The following GPC5 variants were observed in gnomAD, a reference collection of about 807,000 sequenced individuals.
The protein encoded by GPC5 is glypican-5.
In GPC5, 47 loss-of-function variants were observed where a neutral mutation model predicts 53.9. That is an observed-to-expected ratio of 0.87 (90% CI 0.69 to 1.11). The LOEUF (loss-of-function observed/expected upper bound fraction) is 1.11, where lower values mean the gene tolerates loss of function less well. Among genes scored for constraint, GPC5 ranks in the 50% most tolerant of loss-of-function variants. GPC5 has a pLI of 0.00. For synonymous variants in GPC5, 286 were observed against 263.3 expected, an observed-to-expected ratio of 1.09 and a Z score of -0.84; for missense variants, 748 against 713.1, an observed-to-expected ratio of 1.05 and a Z score of -0.56.
At chr13:92,375,614 T>G (rs1464689724) in intron 7 of GPC5, among the ~76,000 whole-genome samples, 1 of 152,126 alleles carries the variant, frequency 6.6e-6, no homozygotes, top group Non-Finnish European at 1.5e-5. Flanking sequence ...ATTAAGAGAT[T>G]TGCTGAAAGG....
intron 7 of GPC5, among the ~76,000 whole-genome samples, chr13:92,157,476 C>T (rs751424722): frequency 1.3e-5 from 2 of 152,122 alleles, no homozygotes; most frequent in Admixed American, 6.5e-5. Context: ...GGGGTTCTGT[C>T]TTGATGACTA....
chr13:91,738,854 C>T (rs1452352305), intron 4 of GPC5, among the ~76,000 whole-genome samples: 2 of 151,268 alleles, frequency 1.3e-5, no homozygotes, highest in African/African-American at 4.9e-5. Context: ...CCAATATTTT[C>T]ACAATCCCCA....
chr13:92,060,213 T>C (rs2041111555), intron 6 of GPC5, among the ~76,000 whole-genome samples: 1 of 151,924 alleles, frequency 6.6e-6, no homozygotes, highest in African/African-American at 2.4e-5. Context: ...AATGAGAAAA[T>C]GGGTGGAAAT....
intron 7 of GPC5, among the ~76,000 whole-genome samples, chr13:92,422,311 A>G (rs1876602100): frequency 6.6e-6 from 1 of 152,140 alleles, no homozygotes; most frequent in Admixed American, 6.6e-5. Context: ...AAATAAGTAC[A>G]ATACACTTTA....
chr13:91,780,391 T>A (rs1015988098), intron 5 of GPC5, among the ~76,000 whole-genome samples: 8 of 152,226 alleles, frequency 5.3e-5, no homozygotes, highest in African/African-American at 1.9e-4. Flanking sequence ...CCCAGATTCC[T>A]CATGTATTCA....
Position 92,251,275 on chromosome 13 carries a change from G to A in GPC5, c.1561+106286G>A, listed in dbSNP as rs150755373. 1.2e-3 allele frequency among the ~76,000 whole-genome samples: 183 copies of A among 152,234 alleles called. 1 individual carries two copies. The highest frequency in any genetic ancestry group is 3.7e-3 in the Admixed American group (56 of 15,272). ...GGATATTTAAGACAGAACTGTTAGA[G>A]TTCATGAAATTATTGGGGATGATGG... On this transcript the variant is annotated intron_variant, in intron 7 of 7. Coordinates refer to ENST00000377067, the MANE Select transcript of GPC5 (RefSeq NM_004466.6).
At chr13:91,802,703 C>T (rs577156956) in intron 5 of GPC5, among the ~76,000 whole-genome samples, 7 of 152,166 alleles carry the variant, frequency 4.6e-5, no homozygotes, top group South Asian at 4.2e-4. Flanking sequence ...CCAGCCGACC[C>T]GGAAGCCCAG....
At chr13:92,522,742 A>G (rs960394904) in intron 7 of GPC5, among the ~76,000 whole-genome samples, 1 of 152,138 alleles carries the variant, frequency 6.6e-6, no homozygotes, top group African/African-American at 2.4e-5. Flanking sequence ...CATTGTGCAC[A>G]TGTACCCTAG....
intron 7 of GPC5, among the ~76,000 whole-genome samples, chr13:92,719,700 G>C (rs1888449728): frequency 6.6e-6 from 1 of 152,084 alleles, no homozygotes; most frequent in South Asian, 2.1e-4. Context: ...TGATAAAGAA[G>C]CAGTTTTGGG....
At chr13:92,556,325 A>G (rs745572055) in intron 7 of GPC5, among the ~76,000 whole-genome samples, 14 of 151,996 alleles carry the variant, frequency 9.2e-5, no homozygotes, top group Non-Finnish European at 1.9e-4. Flanking sequence ...ACATTTAGAA[A>G]TAGTTTATTA....
intron 5 of GPC5, among the ~76,000 whole-genome samples, chr13:91,869,080 G>C (rs982666920): frequency 6.6e-6 from 1 of 152,092 alleles, no homozygotes; most frequent in East Asian, 1.9e-4. Context: ...GTCTTGCCCT[G>C]TTGCCCAGTC....
intron 7 of GPC5, among the ~76,000 whole-genome samples, chr13:92,848,816 G>A (rs1342232735): frequency 6.6e-6 from 1 of 152,246 alleles, no homozygotes; most frequent in East Asian, 1.9e-4. Flanking sequence ...ACATTAGGTG[G>A]AAAACTATGC....
intron 7 of GPC5, among the ~76,000 whole-genome samples, chr13:92,327,756 T>G (rs2139231633): frequency 6.6e-6 from 1 of 152,268 alleles, no homozygotes; most frequent in Non-Finnish European, 1.5e-5. Context: ...AAATCAAAAC[T>G]TTTCAGTATG....
chr13:91,625,438 A>T (rs1426444355), intron 2 of GPC5, among the ~76,000 whole-genome samples: 6 of 152,096 alleles, frequency 3.9e-5, no homozygotes, highest in Admixed American at 3.3e-4. Context: ...GTCTTTCTTT[A>T]TTGAGCATGG....
At chr13:92,120,443 A>G (rs1445647588) in intron 6 of GPC5, among the ~76,000 whole-genome samples, 1 of 152,058 alleles carries the variant, frequency 6.6e-6, no homozygotes, top group African/African-American at 2.4e-5. Flanking sequence ...ATTTTTTTGT[A>G]GAGATGGGGT....
intron 2 of GPC5, among the ~76,000 whole-genome samples, chr13:91,613,548 G>A (rs1414939765): frequency 6.6e-6 from 1 of 152,114 alleles, no homozygotes; most frequent in African/African-American, 2.4e-5. Context: ...ATTTGGGACT[G>A]GAAGATCAAT....
intron 7 of GPC5, among the ~76,000 whole-genome samples, chr13:92,623,950 G>A (rs925048887): frequency 1.3e-5 from 2 of 151,748 alleles, no homozygotes; most frequent in Non-Finnish European, 2.9e-5. Context: ...TGCCTCCCGG[G>A]TTCAAGCGAT....
intron 7 of GPC5, among the ~76,000 whole-genome samples, chr13:92,169,709 T>TA (rs1161898921): frequency 6.6e-6 from 1 of 152,092 alleles, no homozygotes; most frequent in Non-Finnish European, 1.5e-5. Context: ...AAGGTAGTTA[T>TA]AAAAAAGACA....
At chr13:91,629,702 A>G (rs1448260119) in intron 2 of GPC5, among the ~76,000 whole-genome samples, 1 of 152,134 alleles carries the variant, frequency 6.6e-6, no homozygotes, top group African/African-American at 2.4e-5. Flanking sequence ...ATTTAAACAT[A>G]TAAGAGGACA....
Sources: gnomAD v4.1 joint callset for allele counts (sites outside exome capture counted in the v4.1 genomes callset) on GRCh38, gnomAD v4.1.1 for gene constraint, MANE v1.5 for transcripts, NCBI Gene and HGNC (gene_info 2026-07-23, HGNC 2026-07-21) for gene names.